NXPH1: variants seen among roughly 807,000 people sequenced by gnomAD.
NXPH1 encodes neurexophilin-1.
A neutral mutation model predicts 23.7 loss-of-function variants in NXPH1; 5 were observed. That is an observed-to-expected ratio of 0.21 (90% CI 0.11 to 0.44). The LOEUF (loss-of-function observed/expected upper bound fraction) is 0.44, where lower values mean the gene tolerates loss of function less well. Ranked by LOEUF, NXPH1 falls within the 20% of genes least tolerant of loss-of-function variation. The probability of loss-of-function intolerance (pLI) is 0.99; values close to 1 mark genes in which losing one functional copy is unlikely to be tolerated. For synonymous variants in NXPH1, 144 were observed against 122.2 expected, an observed-to-expected ratio of 1.18 and a Z score of -1.18; for missense variants, 324 against 321.6, an observed-to-expected ratio of 1.01 and a Z score of -0.06.
chr7:8,726,279 CTT>C (rs1005642586), intron 2 of NXPH1, among the ~76,000 whole-genome samples: 13 of 127,806 alleles, frequency 1.0e-4, no homozygotes, highest in Admixed American at 1.5e-4. Context: ...GCTTCTTTTT[CTT>C]TTTTTTTTTT....
chr7:8,726,327 GT>G (rs777350467), intron 2 of NXPH1, among the ~76,000 whole-genome samples: 4 of 138,958 alleles, frequency 2.9e-5, no homozygotes, highest in South Asian at 2.3e-4. Flanking sequence ...TTTTTTGTTT[GT>G]TTTTTTTAAA....
intron 2 of NXPH1, among the ~76,000 whole-genome samples, chr7:8,462,519 C>G (rs1259395776): frequency 6.6e-6 from 1 of 152,124 alleles, no homozygotes; most frequent in Admixed American, 6.5e-5. Context: ...AATAGCTTCC[C>G]ACAGTCACTC....
chr7:8,652,839 A>G (rs1172791130), intron 2 of NXPH1, among the ~76,000 whole-genome samples: 3 of 152,204 alleles, frequency 2.0e-5, no homozygotes, highest in African/African-American at 4.8e-5. Flanking sequence ...ATGAGTAACA[A>G]TTCATGGTTA....
chr7:8,567,414 G>A (rs1818565192), intron 2 of NXPH1, among the ~76,000 whole-genome samples: 1 of 151,876 alleles, frequency 6.6e-6, no homozygotes, highest in Admixed American at 6.6e-5. Context: ...AAAAGGCTGT[G>A]GGCAGGGCCC....
chr7:8,580,184 A>G (rs1818838294), intron 2 of NXPH1, among the ~76,000 whole-genome samples: 1 of 152,212 alleles, frequency 6.6e-6, no homozygotes, highest in Non-Finnish European at 1.5e-5. Flanking sequence ...AGAGAACAGA[A>G]GGAAGGTAGC....
intron 2 of NXPH1, among the ~76,000 whole-genome samples, chr7:8,537,047 G>T (rs761558183): frequency 1.5e-4 from 23 of 151,934 alleles, no homozygotes; most frequent in Admixed American, 6.6e-5. Context: ...CATTTATTAT[G>T]ATGTTTGGAA....
At chr7:8,661,717 A>T (rs1205186299) in intron 2 of NXPH1, among the ~76,000 whole-genome samples, 1 of 152,188 alleles carries the variant, frequency 6.6e-6, no homozygotes, top group Non-Finnish European at 1.5e-5. Context: ...CCAAATCTGT[A>T]GAAATAACCA....
At chr7:8,725,413 C>T (rs1343219533) in intron 2 of NXPH1, among the ~76,000 whole-genome samples, 2 of 151,078 alleles carry the variant, frequency 1.3e-5, no homozygotes, top group African/African-American at 4.9e-5. Flanking sequence ...TGGCTAGAAC[C>T]TGGGAGGCAG....
intron 2 of NXPH1, among the ~76,000 whole-genome samples, chr7:8,545,419 T>C (rs972247): frequency 0.46 from 68,928 of 151,184 alleles, 17,301 homozygotes; most frequent in African/African-American, 0.67. Flanking sequence ...ATTAGAAAAA[T>C]GCCTCAACTG....
chr7:8,742,380 A>G (rs1241907161), intron 2 of NXPH1, among the ~76,000 whole-genome samples: 2 of 152,168 alleles, frequency 1.3e-5, no homozygotes, highest in African/African-American at 2.4e-5. Context: ...CTATAAAACA[A>G]TGTAATAATT....
At chr7:8,625,790 C>G (rs1819974618) in intron 2 of NXPH1, among the ~76,000 whole-genome samples, 1 of 152,060 alleles carries the variant, frequency 6.6e-6, no homozygotes, top group South Asian at 2.1e-4. Flanking sequence ...ATCTGTTATC[C>G]TAGATCAATG....
chr7:8,435,693 G>C lies in NXPH1; in HGVS notation c.-21G>C. 6.2e-7 allele frequency: 1 copy of C among 1,613,374 alleles called. No homozygotes were observed. Among genetic ancestry groups the C allele is most frequent in the Non-Finnish European group, 8.5e-7 (1 of 1,179,324 alleles). On this transcript the variant is annotated 5_prime_UTR_variant, in exon 2 of 3. Coordinates refer to ENST00000405863, the MANE Select transcript of NXPH1 (RefSeq NM_152745.3). This position sits in a 1 kb window ranked among gnomAD's most constrained non-coding sequence, Gnocchi z 5.9. ...AAAGACTCAAAGAAGGCACCGCCAA[G>C]GAAGTTTGAGACGCGGGAGAATGCA...
intron 2 of NXPH1, among the ~76,000 whole-genome samples, chr7:8,534,638 C>G (rs1391969951): frequency 1.3e-5 from 2 of 151,982 alleles, no homozygotes; most frequent in African/African-American, 4.8e-5. Context: ...TCTGTGTAAG[C>G]TAAAAAAGAA....
chr7:8,709,915 G>C (rs1315726823), intron 2 of NXPH1, among the ~76,000 whole-genome samples: 1 of 152,114 alleles, frequency 6.6e-6, no homozygotes. Context: ...ACTGCCTCAG[G>C]AATCCATTGA....
chr7:8,458,037 A>G (rs2128606437), intron 2 of NXPH1, among the ~76,000 whole-genome samples: 1 of 152,336 alleles, frequency 6.6e-6, no homozygotes, highest in South Asian at 2.1e-4. Context: ...AAAAATTTTA[A>G]TTGGAACTGA....
chr7:8,510,862 C>G (rs1316761296), intron 2 of NXPH1, among the ~76,000 whole-genome samples: 2 of 152,078 alleles, frequency 1.3e-5, no homozygotes, highest in African/African-American at 2.4e-5. Flanking sequence ...TAGGCACTTG[C>G]TTTTTGGCTC....
At chr7:8,525,411 A>G (rs1438712298) in intron 2 of NXPH1, among the ~76,000 whole-genome samples, 3 of 152,208 alleles carry the variant, frequency 2.0e-5, no homozygotes, top group South Asian at 2.1e-4. Flanking sequence ...ACTATATGAT[A>G]GAAAAGAAAA....
At chr7:8,467,697 G>A (rs990570502) in intron 2 of NXPH1, among the ~76,000 whole-genome samples, 1 of 152,110 alleles carries the variant, frequency 6.6e-6, no homozygotes, top group Admixed American at 6.5e-5. Context: ...TGGAAGTTCA[G>A]GGGAATCAGG....
At chr7:8,555,831 A>T (rs1818348467) in intron 2 of NXPH1, among the ~76,000 whole-genome samples, 1 of 151,642 alleles carries the variant, frequency 6.6e-6, no homozygotes, top group African/African-American at 2.4e-5. Context: ...TTTTTATCTT[A>T]AAAAATCTGG....
Sources: allele counts gnomAD v4.1 joint callset (sites outside exome capture counted in the v4.1 genomes callset), GRCh38; gene constraint gnomAD v4.1.1; non-coding constraint Gnocchi (gnomAD v3.1); transcripts MANE v1.5; gene names NCBI Gene and HGNC (gene_info 2026-07-23, HGNC 2026-07-21).